Variants in POLDIP2 observed in about 807,000 individuals in gnomAD.
The protein encoded by POLDIP2 is polymerase delta-interacting protein 2.
Under a neutral mutation model 52.9 loss-of-function variants are expected in POLDIP2, and 32 were observed. That is an observed-to-expected ratio of 0.61 (90% CI 0.46 to 0.81). The LOEUF is 0.81. Ranked by LOEUF, POLDIP2 falls within the 40% of genes least tolerant of loss-of-function variation. The probability of loss-of-function intolerance (pLI) is 0.00; values close to 1 mark genes in which losing one functional copy is unlikely to be tolerated. For synonymous variants in POLDIP2, 183 were observed against 183.0 expected (o/e 1.00, Z 0.00); for missense variants, 371 against 477.3 (o/e 0.78, Z 2.07).
chr17:28,357,503 C>A lies in POLDIP2; in HGVS notation c.-55G>T. 4.2e-6 allele frequency: 6 copies of A among 1,433,760 alleles called. No individual in the cohort carries two copies. Among genetic ancestry groups the A allele is most frequent in the South Asian group, 1.5e-5 (1 of 67,204 alleles). 88.8% of individuals were successfully genotyped at this position (1,433,760 alleles called of 1,614,324 possible). ...ACACAGAGCCCGACCCGCGGCCGGG[C>A]GGCGTTCCGCCCCAGTCCCACACTG... On this transcript the variant is annotated 5_prime_UTR_variant, in exon 1 of 11. Transcript: ENST00000540200.
At chr17:28,353,517 T>G (rs1384463843) in intron 4 of POLDIP2, among the ~76,000 whole-genome samples, 178 bp downstream of exon 4, 1 of 3,512 alleles carries the variant, frequency 2.8e-4, no homozygotes, top group Non-Finnish European at 4.3e-4. Context: ...TGAGACTCCA[T>G]ATCAAAAAAA....
chr17:28,349,239 T>G lies in POLDIP2; in HGVS notation c.913-77A>C, dbSNP rs556235727. On this transcript the variant is annotated intron_variant, in intron 9 of 10. Transcript: ENST00000540200. ...CTGCACCCCAGGGTTACATGCTGAC[T>G]GCCAGTTCATCAAGACTGGATGTCC... is the stretch of plus-strand genomic sequence containing the variant. 6.6e-4 allele frequency: 669 copies of G among 1,012,412 alleles called. 8 individuals carry two copies. Among genetic ancestry groups the G allele is most frequent in the Middle Eastern group, 2.6e-4 (1 of 3,810 alleles). 62.7% of individuals were successfully genotyped at this position (1,012,412 alleles called of 1,614,324 possible). A position where few individuals can be genotyped will look rare whatever the true frequency, so the allele number is the denominator to read the frequency against.
intron 7 of POLDIP2, 130 bp from the exon 8 acceptor site, chr17:28,350,922 A>G (rs1317934819): frequency 5.1e-6 from 4 of 778,938 alleles, no homozygotes; most frequent in Non-Finnish European, 6.6e-6. Flanking sequence ...TATCTGTGGG[A>G]TAAGGGTGAT....
At chr17:28,355,397 C>T (rs1447899082) in intron 2 of POLDIP2, among the ~76,000 whole-genome samples, 3 of 152,186 alleles carry the variant, frequency 2.0e-5, no homozygotes, top group Non-Finnish European at 4.4e-5. Context: ...CACCTGAGGT[C>T]GGGAGCTCGA....
At chr17:28,350,894 G>T in intron 7 of POLDIP2, 102 bp from the exon 8 acceptor site, 1 of 971,322 alleles carries the variant, frequency 1.0e-6, no homozygotes, top group Non-Finnish European at 1.6e-6. Flanking sequence ...GAAGGTTGCA[G>T]ACAGACCAAG....
chr17:28,354,469 C>T lies in POLDIP2; in HGVS notation c.341+19G>A. ...CTCCTCCTGAGGATACTGTGAGGCA[C>T]AACCACAGGGAAACTTACTTTTCTG... is the stretch of plus-strand genomic sequence containing the variant. On this transcript the variant is annotated intron_variant, in intron 3 of 10. Transcript: ENST00000540200. 6.6e-7 allele frequency: 1 copy of T among 1,520,556 alleles called. No individual in the cohort carries two copies. Among genetic ancestry groups the T allele is most frequent in the Non-Finnish European group, 8.9e-7 (1 of 1,118,422 alleles). The allele number at this position is 1,520,556 out of a possible 1,614,324, so 94.2% of individuals were successfully genotyped here. A position where few individuals can be genotyped will look rare whatever the true frequency, so the allele number is the denominator to read the frequency against.
At chr17:28,353,828 G>T in intron 3 of POLDIP2, 37 bp from the exon 4 acceptor site, 1 of 1,377,818 alleles carries the variant, frequency 7.3e-7, no homozygotes, top group South Asian at 1.2e-5. Flanking sequence ...ATCACCCCAG[G>T]AGAAATGGAA....
rs1248811881 is a variant in POLDIP2 at position 28,357,399 on chromosome 17, C to A, written c.50G>T (p.Trp17Leu). Residue 17 changes from tryptophan (W) to leucine (L), a missense_variant, in exon 1 of 11, where the codon TGG becomes TTG. Transcript: ENST00000540200. ...RRALAVGSRW[W>L]SRSLTGARWP... ...CCGGGCCCCAGTCAGCGACCGGGAC[C>A]ACCAGCGGCTGCCCACGGCCAGGGC... 1 of 1,521,832 alleles carries A rather than the reference C, an allele frequency of 6.6e-7. No individual in the cohort carries two copies. The highest frequency in any genetic ancestry group is 8.7e-7 in the Non-Finnish European group (1 of 1,144,874). The allele number at this position is 1,521,832 out of a possible 1,614,324, so 94.3% of individuals were successfully genotyped here.
intron 7 of POLDIP2, among the ~76,000 whole-genome samples, chr17:28,351,183 A>G (rs1907780764): frequency 1.3e-5 from 2 of 152,160 alleles, no homozygotes; most frequent in South Asian, 2.1e-4. Context: ...CTCCTCCACT[A>G]CTATAAGGTC....
rs963234944 is a variant in POLDIP2 at position 28,357,318 on chromosome 17, G to A, written c.131C>T (p.Thr44Ile). Residue 44 changes from threonine (T) to isoleucine (I), a missense_variant, in exon 1 of 11, where the codon ACC becomes ATC. Thr to Ile is a moderately conservative substitution (Grantham distance 89). Transcript: ENST00000540200. Reference sequence around the variant, plus strand: ...CGAGAGGTGCCTCCGCGTCGTCGTGGTCGACGCTGGCGAGAAGGCTCCAGC... The same window carrying A: ...CGAGAGGTGCCTCCGCGTCGTCGTGATCGACGCTGGCGAGAAGGCTCCAGC... ...AGAGAFSPAS[T>I]TTTRRHLSSR... The A allele has an allele frequency of 1.9e-6, 3 of 1,579,982 alleles. No homozygotes were observed. The highest frequency in any genetic ancestry group is 2.6e-6 in the Non-Finnish European group (3 of 1,172,970).
chr17:28,351,931 G>C (rs1489600401), intron 6 of POLDIP2, 131 bp from the exon 7 acceptor site: 1 of 791,118 alleles, frequency 1.3e-6, no homozygotes, highest in Non-Finnish European at 2.1e-6. Context: ...AGGCAAACAA[G>C]GTGCTCATAC....
Position 28,357,484 on chromosome 17 carries a change from A to G in POLDIP2, c.-36T>C. On this transcript the variant is annotated 5_prime_UTR_variant, in exon 1 of 11. Coordinates refer to ENST00000540200, the MANE Select transcript of POLDIP2 (RefSeq NM_015584.5). The stretch of plus-strand genomic sequence containing the variant: ...AGCGCCCGCCCGGCTGCTGACACAG[A>G]GCCCGACCCGCGGCCGGGCGGCGTT... 9 of 1,433,434 alleles carry G rather than the reference A, an allele frequency of 6.3e-6. No homozygotes were observed. The highest frequency in any genetic ancestry group is 7.2e-6 in the Non-Finnish European group (8 of 1,105,198). The allele number at this position is 1,433,434 out of a possible 1,614,324, so 88.8% of individuals were successfully genotyped here.
At chr17:28,349,039 T>C (rs1555579422) in intron 10 of POLDIP2, 44 bp downstream of exon 10, 4 of 1,397,158 alleles carry the variant, frequency 2.9e-6, no homozygotes, top group East Asian at 2.3e-5. Flanking sequence ...ACAGCTTCTG[T>C]TTGTGGAGCT....
In POLDIP2 at chr17:28,351,682, G is replaced by A; in HGVS notation, c.741C>T (p.Pro247=). The change falls in exon 7 of 11, where the codon CCC becomes CCT. Residue 247 remains proline (P), a synonymous_variant. Transcript: ENST00000540200. ...CACATACCCTCATGCCCATGTAGAAGGGGATGACAGTGACACGTATGTTCT... is the reference window on the plus strand; with the variant it reads ...CACATACCCTCATGCCCATGTAGAAAGGGATGACAGTGACACGTATGTTCT... ...TTENIRVTVI[P]FYMGMREAQN... The A allele has an allele frequency of 2.5e-6, 4 of 1,613,834 alleles. No homozygotes were observed. Among genetic ancestry groups the A allele is most frequent in the Non-Finnish European group, 3.4e-6 (4 of 1,179,782 alleles).
At chr17:28,357,201 C>A in intron 1 of POLDIP2, 87 bp downstream of exon 1, 1 of 1,263,366 alleles carries the variant, frequency 7.9e-7, no homozygotes, top group Non-Finnish European at 1.1e-6. Flanking sequence ...CCTCAGCAGG[C>A]CCGGGCCCCT....
chr17:28,351,019 C>T (rs1239808955), intron 7 of POLDIP2, among the ~76,000 whole-genome samples: 1 of 152,144 alleles, frequency 6.6e-6, no homozygotes, highest in Non-Finnish European at 1.5e-5. Context: ...TTCAAGATCA[C>T]CAACAGAGCT....
chr17:28,351,775 C>G lies in POLDIP2; in HGVS notation c.648G>C (p.Thr216=), dbSNP rs368113176. Reference sequence around the variant, plus strand: ...GATTCTTCTCTTGCCAGGCCCTTAGCGTCTCCCGAGCCACAAAAGGAGGTG... The same window carrying G: ...GATTCTTCTCTTGCCAGGCCCTTAGGGTCTCCCGAGCCACAAAAGGAGGTG... ...TKAPPFVARE[T]LRAWQEKNHP... The change falls in exon 7 of 11, where the codon ACG becomes ACC. Residue 216 remains threonine, a synonymous_variant. Coordinates refer to ENST00000540200, the MANE Select transcript of POLDIP2 (RefSeq NM_015584.5). The G allele has an allele frequency of 1.9e-6, 3 of 1,613,462 alleles. No individual in the cohort carries two copies. The highest frequency in any genetic ancestry group is 2.5e-6 in the Non-Finnish European group (3 of 1,179,616).
intron 6 of POLDIP2, among the ~76,000 whole-genome samples, chr17:28,352,537 C>CTGT (rs1907845939): frequency 7.7e-6 from 1 of 129,222 alleles, no homozygotes; most frequent in Non-Finnish European, 1.6e-5. Context: ...GCACCCGGGC[C>CTGT]TTTTTTTTTT....
In POLDIP2 at chr17:28,357,330, G is replaced by A. The variant is rs782781782; in HGVS notation, c.119C>T (p.Ser40Leu). The A allele has an allele frequency of 3.1e-5, 49 of 1,579,348 alleles. No homozygotes were observed. The African/African-American group carries it at 5.8e-4, about 19-fold the overall frequency. Residue 40 changes from serine (S) to leucine (L), a missense_variant, in exon 1 of 11, where the codon TCG (serine) becomes TTG (leucine). Physicochemically the swap from Ser to Leu is moderately radical, Grantham distance 145. Coordinates refer to ENST00000540200, the MANE Select transcript of POLDIP2 (RefSeq NM_015584.5). ...CCGCGTCGTCGTGGTCGACGCTGGCGAGAAGGCTCCAGCTCCGGCCGCCGC... is the reference window on the plus strand; with the variant it reads ...CCGCGTCGTCGTGGTCGACGCTGGCAAGAAGGCTCCAGCTCCGGCCGCCGC... ...LCAAAGAGAFSPASTTTTRRH... is the reference protein window; with the variant it reads ...LCAAAGAGAFLPASTTTTRRH...
Sources: allele counts gnomAD v4.1 joint callset (sites outside exome capture counted in the v4.1 genomes callset), GRCh38; gene constraint gnomAD v4.1.1; transcripts MANE v1.5; gene names NCBI Gene and HGNC (gene_info 2026-07-23, HGNC 2026-07-21).